Variants in ZNF782 observed in about 807,000 individuals in gnomAD.
ZNF782 encodes the protein zinc finger protein 782.
ZNF782 carries 12 observed loss-of-function variants against 13.0 expected under a neutral mutation model. The observed-to-expected ratio is 0.92, with a 90% CI of 0.59 to 1.50. The LOEUF (loss-of-function observed/expected upper bound fraction) is 1.50. ZNF782 is among the 40% of genes most tolerant of loss of function. The pLI, the probability that ZNF782 is intolerant of heterozygous loss-of-function variation, is 0.00. For synonymous variants in ZNF782, 284 were observed against 283.0 expected (o/e 1.00, Z -0.04); for missense variants, 770 against 822.9 (o/e 0.94, Z 0.79).
At chr9:96,837,013 C>T (rs1851024536) in intron 4 of ZNF782, among the ~76,000 whole-genome samples, 1 of 152,142 alleles carries the variant, frequency 6.6e-6, no homozygotes, top group African/African-American at 2.4e-5. Context: ...GTGAGCGAAA[C>T]AAACTTTTCT....
intron 1 of ZNF782, among the ~76,000 whole-genome samples, chr9:96,872,240 T>C (rs1391764004): frequency 6.6e-6 from 1 of 152,186 alleles, no homozygotes; most frequent in African/African-American, 2.4e-5. Flanking sequence ...TTAATTAAAA[T>C]GTGACTAGTG....
chr9:96,895,162 T>C, the ZNF782 span: 1 of 152,128 alleles, frequency 6.6e-6, no homozygotes, highest in East Asian at 1.9e-4. Flanking sequence ...GATTCTTAAG[T>C]ATAAGGAGAG....
chr9:96,844,939 G>C lies in ZNF782; in HGVS notation c.93C>G (p.Thr31=), dbSNP rs576417091. Residue 31 remains threonine (T), a synonymous_variant, in exon 4 of 6, where the codon ACC becomes ACG. Coordinates refer to ENST00000481138, the MANE Select transcript of ZNF782 (RefSeq NM_001001662.3). ...TCTCCAGCATCACATCTCTGTACAG[G>C]GTCCTCTCAACAGGGCCCATGTGCT... ...EWQHMGPVER[T]LYRDVMLENY... The C allele has an allele frequency of 6.2e-7, 1 of 1,613,722 alleles. No homozygotes were observed. The highest frequency in any genetic ancestry group is 8.5e-7 in the Non-Finnish European group (1 of 1,179,920).
At chr9:96,826,460 T>C (rs954405028) in intron 5 of ZNF782, among the ~76,000 whole-genome samples, 2 of 152,186 alleles carry the variant, frequency 1.3e-5, no homozygotes, top group African/African-American at 4.8e-5. Flanking sequence ...GATGATGAGT[T>C]AGTGGGTGCA....
At chr9:96,830,990 G>A (rs985579328) in intron 4 of ZNF782, among the ~76,000 whole-genome samples, 4 of 152,046 alleles carry the variant, frequency 2.6e-5, no homozygotes, top group Non-Finnish European at 5.9e-5. Context: ...ATATAGAAGA[G>A]CAGAAATTAC....
chr9:96,855,459 C>A (rs1241029034), upstream of ZNF782, among the ~76,000 whole-genome samples: 2 of 152,214 alleles, frequency 1.3e-5, no homozygotes, highest in Non-Finnish European at 2.9e-5. Flanking sequence ...ATTCTTATGC[C>A]TTTGCATTCT....
chr9:96,873,644 G>A (rs145333198), intron 1 of ZNF782, among the ~76,000 whole-genome samples: 349 of 152,360 alleles, frequency 2.3e-3, no homozygotes, highest in Non-Finnish European at 3.9e-3. Context: ...ACGTTGCAGT[G>A]AGCAGTGAGC....
At chr9:96,873,442 G>A (rs768355898) in intron 1 of ZNF782, among the ~76,000 whole-genome samples, 1 of 152,198 alleles carries the variant, frequency 6.6e-6, no homozygotes, top group Non-Finnish European at 1.5e-5. Context: ...GCTCATGCCT[G>A]TAATGCCAGC....
the ZNF782 span, among the ~76,000 whole-genome samples, chr9:96,882,325 C>T: frequency 1.3e-5 from 2 of 152,100 alleles, no homozygotes; most frequent in African/African-American, 4.8e-5. Flanking sequence ...CTATGATTCA[C>T]CATAAAGCCA....
intron 3 of ZNF782, among the ~76,000 whole-genome samples, chr9:96,845,224 A>C (rs1438954107): frequency 6.6e-6 from 1 of 152,232 alleles, no homozygotes; most frequent in African/African-American, 2.4e-5. Flanking sequence ...TTTATTTTAC[A>C]ATCATACACA....
upstream of ZNF782, among the ~76,000 whole-genome samples, chr9:96,858,364 T>C (rs1851668651): frequency 6.6e-6 from 1 of 152,162 alleles, no homozygotes; most frequent in Non-Finnish European, 1.5e-5. The surrounding 1 kb of genome is among the most constrained non-coding windows in gnomAD (Gnocchi z 4.4). Flanking sequence ...AAGAGCTTCC[T>C]AGGGCACTCA....
In ZNF782 at chr9:96,850,928, TAAGTA is replaced by T. The variant is rs1834703118; in HGVS notation, c.15+1014_15+1018del. ...ACTTTTGCATCTTAATAAATATATCTAAGTAAAGTGCTAAGTAAGTAGGCAAGTTG... is the reference window on the plus strand; with the variant it reads ...ACTTTTGCATCTTAATAAATATATCTAAGTGCTAAGTAAGTAGGCAAGTTG... On this transcript the variant is annotated intron_variant, in intron 3 of 5. Transcript: ENST00000481138. This position sits in a 1 kb window ranked among gnomAD's most constrained non-coding sequence, Gnocchi z 4.3. Among the ~76,000 whole-genome samples the T allele has an allele frequency of 1.3e-5, 2 of 152,214 alleles. No individual in the cohort carries two copies. Among genetic ancestry groups the T allele is most frequent in the African/African-American group, 4.8e-5 (2 of 41,474 alleles).
intron 4 of ZNF782, among the ~76,000 whole-genome samples, chr9:96,839,736 C>T (rs530364340): frequency 2.6e-5 from 4 of 152,124 alleles, no homozygotes; most frequent in Middle Eastern, 3.4e-3. Context: ...TCAACAGTTA[C>T]GTATATTCTT....
the ZNF782 span, among the ~76,000 whole-genome samples, chr9:96,933,224 C>T: frequency 3.0e-4 from 45 of 151,332 alleles, no homozygotes; most frequent in Non-Finnish European, 4.7e-4. Context: ...GTGATTCTCC[C>T]GCCTCGGCCT....
intron 1 of ZNF782, among the ~76,000 whole-genome samples, chr9:96,873,033 G>A (rs993092384): frequency 6.6e-6 from 1 of 151,912 alleles, no homozygotes; most frequent in South Asian, 2.1e-4. Context: ...TTAGCACACT[G>A]CTTTCAAGCT....
At chr9:96,881,462 T>C in the ZNF782 span, among the ~76,000 whole-genome samples, 1 of 152,164 alleles carries the variant, frequency 6.6e-6, no homozygotes, top group African/African-American at 2.4e-5. Context: ...ATGATACAAA[T>C]TGTGAATGGA....
the ZNF782 span, among the ~76,000 whole-genome samples, chr9:96,898,866 G>T: frequency 2.7e-5 from 4 of 148,056 alleles, 1 homozygote; most frequent in East Asian, 9.5e-4. Context: ...GAGCCACCGC[G>T]CCTGGCCCAT....
At chr9:96,856,942 A>C (rs1851650460), upstream of ZNF782, among the ~76,000 whole-genome samples, 1 of 152,280 alleles carries the variant, frequency 6.6e-6, no homozygotes, top group East Asian at 1.9e-4. Context: ...GACTATGGGG[A>C]ATGTTTTACA....
At chr9:96,929,931 G>A in the ZNF782 span, among the ~76,000 whole-genome samples, 1 of 151,382 alleles carries the variant, frequency 6.6e-6, no homozygotes, top group African/African-American at 2.4e-5. Context: ...TTCCTTTTCA[G>A]TAGAGGAAGG....
Sources: allele counts gnomAD v4.1 joint callset (sites outside exome capture counted in the v4.1 genomes callset), GRCh38; gene constraint gnomAD v4.1.1; non-coding constraint Gnocchi (gnomAD v3.1); transcripts MANE v1.5; gene names NCBI Gene and HGNC (gene_info 2026-07-23, HGNC 2026-07-21).